The following LHFPL6 variants were observed in gnomAD, a reference collection of about 807,000 sequenced individuals.
The protein encoded by LHFPL6 is LHFPL tetraspan subfamily member 6 protein.
In LHFPL6, 9 loss-of-function variants were observed where a neutral mutation model predicts 20.6. The observed-to-expected ratio is 0.44, with a 90% CI of 0.26 to 0.76. The LOEUF (loss-of-function observed/expected upper bound fraction) is 0.76, where lower values mean the gene tolerates loss of function less well. Among genes scored for constraint, LHFPL6 ranks in the 30% least tolerant of loss-of-function variants. LHFPL6 has a pLI of 0.20. For synonymous variants in LHFPL6, 105 were observed against 98.7 expected (o/e 1.06, Z -0.38); for missense variants, 218 against 253.5 (o/e 0.86, Z 0.95).
chr13:39,378,483 C>T lies in LHFPL6; in HGVS notation c.429G>A (p.Trp143Ter). The T allele has an allele frequency of 6.2e-7, 1 of 1,613,924 alleles. No homozygotes were observed. The highest frequency in any genetic ancestry group is 8.5e-7 in the Non-Finnish European group (1 of 1,179,934). Reference sequence around the variant, plus strand: ...AAGTCTGCCGGACTTCCTCACTGTCCCAGCCCAAGGGGTAGAGGGCACAGC... The same window carrying T: ...AAGTCTGCCGGACTTCCTCACTGTCTCAGCCCAAGGGGTAGAGGGCACAGC... The part of the protein sequence containing the change: ...GAGCALYPLG[W>*]DSEEVRQTCG... The change falls in exon 3 of 4, where the codon TGG (tryptophan) becomes TGA (stop). Residue 143 changes from tryptophan (W) to a stop codon, truncating the protein, a stop_gained. Coordinates refer to ENST00000379589, the MANE Select transcript of LHFPL6 (RefSeq NM_005780.3). LOFTEE classifies it high-confidence loss of function.
At chr13:39,404,959 C>G (rs1871083741) in intron 2 of LHFPL6, among the ~76,000 whole-genome samples, 1 of 152,144 alleles carries the variant, frequency 6.6e-6, no homozygotes, top group Non-Finnish European at 1.5e-5. Context: ...GCCAACTAAC[C>G]AAATATTTGA....
chr13:39,545,347 C>A (rs1870948376), intron 2 of LHFPL6, among the ~76,000 whole-genome samples: 1 of 151,908 alleles, frequency 6.6e-6, no homozygotes, highest in African/African-American at 2.4e-5. Flanking sequence ...GCTCTCTCAC[C>A]ACCTCCCTCC....
At chr13:39,466,900 AC>A (rs1872818016) in intron 2 of LHFPL6, among the ~76,000 whole-genome samples, 2 of 152,214 alleles carry the variant, frequency 1.3e-5, no homozygotes, top group Admixed American at 1.3e-4. Context: ...TAAGAGCTAA[AC>A]ATAGAAATTC....
At chr13:39,367,426 T>A (rs1034253057) in intron 3 of LHFPL6, among the ~76,000 whole-genome samples, 7 of 152,192 alleles carry the variant, frequency 4.6e-5, no homozygotes, top group African/African-American at 9.6e-5. Context: ...AAGGAACTAT[T>A]GTATGGTAGC....
chr13:39,580,858 T>C (rs986666254), intron 2 of LHFPL6, among the ~76,000 whole-genome samples: 4 of 152,246 alleles, frequency 2.6e-5, no homozygotes, highest in Non-Finnish European at 5.9e-5. Context: ...AACAGCAGAA[T>C]TTAACCCTGT....
chr13:39,506,539 A>ATTTAT (rs904744253), intron 2 of LHFPL6, among the ~76,000 whole-genome samples: 3 of 152,190 alleles, frequency 2.0e-5, no homozygotes, highest in East Asian at 1.9e-4. Context: ...CACTAAAGTC[A>ATTTAT]TTTATTTTAT....
chr13:39,488,152 G>C (rs113869718), intron 2 of LHFPL6, among the ~76,000 whole-genome samples: 3 of 152,084 alleles, frequency 2.0e-5, no homozygotes, highest in African/African-American at 4.8e-5. Context: ...CATATTACCC[G>C]CATGTAAGGG....
intron 2 of LHFPL6, among the ~76,000 whole-genome samples, chr13:39,437,929 T>C (rs1057044145): frequency 6.0e-5 from 9 of 149,204 alleles, no homozygotes; most frequent in African/African-American, 2.2e-4. Flanking sequence ...TTAAATAATA[T>C]AAAAGTTTGT....
At chr13:39,408,409 G>A (rs776833168) in intron 2 of LHFPL6, among the ~76,000 whole-genome samples, 1 of 152,062 alleles carries the variant, frequency 6.6e-6, no homozygotes, top group Non-Finnish European at 1.5e-5. Context: ...GAAAGTTCCT[G>A]GTATAATCAC....
chr13:39,498,166 C>T (rs994099627), intron 2 of LHFPL6, among the ~76,000 whole-genome samples: 2 of 152,324 alleles, frequency 1.3e-5, no homozygotes, highest in South Asian at 2.1e-4. Context: ...CTGGTGATTA[C>T]TCCCAAACCA....
At chr13:39,442,197 T>TA (rs548769644) in intron 2 of LHFPL6, among the ~76,000 whole-genome samples, 11 of 150,262 alleles carry the variant, frequency 7.3e-5, no homozygotes, top group Non-Finnish European at 1.3e-4. Flanking sequence ...GAACTGAGTT[T>TA]AAAAAAAAAA....
chr13:39,383,215 C>T (rs1014344692), intron 2 of LHFPL6, among the ~76,000 whole-genome samples: 1 of 152,162 alleles, frequency 6.6e-6, no homozygotes. Context: ...GTCATTGTAA[C>T]AAGGACCTCA....
At chr13:39,421,061 T>G (rs919537427) in intron 2 of LHFPL6, among the ~76,000 whole-genome samples, 2 of 152,052 alleles carry the variant, frequency 1.3e-5, no homozygotes, top group South Asian at 4.1e-4. Context: ...TTATTCCTAG[T>G]GGTAGCAATA....
chr13:39,466,364 T>A (rs1028630827), intron 2 of LHFPL6, among the ~76,000 whole-genome samples: 4 of 152,194 alleles, frequency 2.6e-5, no homozygotes, highest in Admixed American at 6.5e-5. Context: ...TCAGCATGAA[T>A]TCAAGTTGAA....
At chr13:39,602,498 CA>C (rs1872987263) in intron 1 of LHFPL6, among the ~76,000 whole-genome samples, 2 of 152,316 alleles carry the variant, frequency 1.3e-5, no homozygotes, top group East Asian at 3.9e-4. Flanking sequence ...GGAAGACCAG[CA>C]GGGGGTGGCC....
intron 2 of LHFPL6, among the ~76,000 whole-genome samples, chr13:39,407,334 C>CTGAG (rs1324702947): frequency 5.3e-5 from 8 of 152,168 alleles, no homozygotes. Context: ...CCAAGCCCTT[C>CTGAG]TGAGTACCCC....
chr13:39,521,532 A>G (rs1278626701), intron 2 of LHFPL6, among the ~76,000 whole-genome samples: 1 of 152,190 alleles, frequency 6.6e-6, no homozygotes, highest in Admixed American at 6.5e-5. Flanking sequence ...GGTCAGTAGC[A>G]GCTAAAAATT....
intron 2 of LHFPL6, among the ~76,000 whole-genome samples, chr13:39,542,413 T>A (rs2138504934): frequency 6.6e-6 from 1 of 152,260 alleles, no homozygotes; most frequent in South Asian, 2.1e-4. Context: ...CTTCACCATT[T>A]AGTAATAATG....
chr13:39,525,280 T>C (rs760132556), intron 2 of LHFPL6, among the ~76,000 whole-genome samples: 3 of 152,060 alleles, frequency 2.0e-5, no homozygotes, highest in Non-Finnish European at 4.4e-5. Flanking sequence ...GGTCTCCGCC[T>C]GAGAAAGACT....
Sources: allele counts gnomAD v4.1 joint callset (sites outside exome capture counted in the v4.1 genomes callset), GRCh38; gene constraint gnomAD v4.1.1; transcripts MANE v1.5; gene names NCBI Gene and HGNC (gene_info 2026-07-23, HGNC 2026-07-21).